The following RCBTB2 variants were observed in gnomAD, a reference collection of about 807,000 sequenced individuals.
RCBTB2 encodes RCC1 and BTB domain containing protein 2, also known as RCC1 and BTB domain-containing protein 2.
In RCBTB2, 55 loss-of-function variants were observed where a neutral mutation model predicts 65.4. The observed-to-expected ratio is 0.84, with a 90% CI of 0.68 to 1.05. The LOEUF is 1.05. Among genes scored for constraint, RCBTB2 ranks in the 50% least tolerant of loss-of-function variants. The pLI is 0.00. For missense variants in RCBTB2, 599 were observed against 680.1 expected (o/e 0.88, Z 1.33); for synonymous variants, 220 against 255.2 (o/e 0.86, Z 1.31).
chr13:48,533,408 C>A (rs1341674936), upstream of RCBTB2, among the ~76,000 whole-genome samples: 1 of 152,206 alleles, frequency 6.6e-6, no homozygotes, highest in Non-Finnish European at 1.5e-5. Context: ...TTTGTGGATA[C>A]CCGACCTAGA....
intron 6 of RCBTB2, among the ~76,000 whole-genome samples, chr13:48,514,000 G>A (rs1436102338): frequency 6.6e-6 from 1 of 152,146 alleles, no homozygotes; most frequent in Non-Finnish European, 1.5e-5. Context: ...TAATCAAAGA[G>A]AACAATTACA....
At chr13:48,528,034 T>A (rs1314567794) in intron 1 of RCBTB2, among the ~76,000 whole-genome samples, 9 of 152,236 alleles carry the variant, frequency 5.9e-5, no homozygotes, top group Admixed American at 5.9e-4. Flanking sequence ...AAAAATGAGT[T>A]AAGCTGATTA....
At chr13:48,509,995 T>C (rs9332004) in intron 10 of RCBTB2, among the ~76,000 whole-genome samples, 1,698 of 152,370 alleles carry the variant, frequency 0.011, 24 homozygotes, top group African/African-American at 0.039. Context: ...GGAAAGGCAG[T>C]GATCTGACCA....
chr13:48,492,651 T>C (rs1330456807), intron 14 of RCBTB2: 1 of 152,284 alleles, frequency 6.6e-6, no homozygotes, highest in East Asian at 1.9e-4. Context: ...GCCAGCAGCA[T>C]CTGGTGTGGT....
At position 48,523,519 on chromosome 13, in the gene RCBTB2, C is replaced by T. The variant is rs562848823; in HGVS notation, c.-119-1116G>A. On this transcript the variant is annotated intron_variant, in intron 2 of 14. Coordinates refer to ENST00000344532, the MANE Select transcript of RCBTB2 (RefSeq NM_001268.4). ...TATTCATACAAAGCATCCTTAGAAC[C>T]CAGCTTTTTGTATACTGGAACTGGC... is the stretch of plus-strand genomic sequence containing the variant. Among the ~76,000 whole-genome samples the T allele has an allele frequency of 1.1e-4, 16 of 152,270 alleles. No individual in the cohort carries two copies. The South Asian group carries it at 3.1e-3, about 30-fold the overall frequency.
chr13:48,490,287 T>A (rs755350514), intron 14 of RCBTB2, 36 bp from the exon 15 acceptor site: 7 of 1,572,474 alleles, frequency 4.5e-6, no homozygotes, highest in Non-Finnish European at 6.1e-6. Context: ...AATAAATTCA[T>A]ATTTACTAAT....
chr13:48,521,407 G>A (rs1475972102), intron 4 of RCBTB2, among the ~76,000 whole-genome samples: 4 of 152,194 alleles, frequency 2.6e-5, no homozygotes, highest in Admixed American at 2.0e-4. Flanking sequence ...ATCAATATGC[G>A]TGCAGGAAGA....
chr13:48,498,124 T>G (rs555463336), intron 13 of RCBTB2, among the ~76,000 whole-genome samples: 4 of 152,228 alleles, frequency 2.6e-5, no homozygotes, highest in Admixed American at 1.3e-4. Flanking sequence ...GTAACCTGGG[T>G]TGGGGGTGGA....
Position 48,502,893 on chromosome 13 carries a change from A to C in RCBTB2, c.948T>G (p.Cys316Trp). 1 of 1,612,888 alleles carries C rather than the reference A, an allele frequency of 6.2e-7. No individual in the cohort carries two copies. Among genetic ancestry groups the C allele is most frequent in the Non-Finnish European group, 8.5e-7 (1 of 1,179,128 alleles). Residue 316 changes from cysteine to tryptophan, a missense_variant, in exon 11 of 15, where the codon TGT (cysteine) becomes TGG (tryptophan). Transcript: ENST00000344532. ...EKDRIIEIAA[C>W]HSTHTSAAKT... ...TGGCCGCAGACGTGTGTGTGGAGTG[A>C]CAGGCTGCAATCTCGATAATCCTAA...
intron 1 of RCBTB2, among the ~76,000 whole-genome samples, chr13:48,526,033 T>G (rs1344430859): frequency 6.6e-6 from 1 of 152,188 alleles, no homozygotes; most frequent in Admixed American, 6.5e-5. Flanking sequence ...GCTACAGCTT[T>G]TCCATCTGAC....
At chr13:48,527,345 TATATATGATATATATTTATATATG>T (rs1566337160) in intron 1 of RCBTB2, among the ~76,000 whole-genome samples, 1 of 123,726 alleles carries the variant, frequency 8.1e-6, no homozygotes, top group African/African-American at 5.1e-5. Flanking sequence ...ATGATATATA[TATATATGATATATATTTATATATG>T]ATATATATAT....
At position 48,511,831 on chromosome 13, in the gene RCBTB2, T is replaced by G. The variant is rs73479239; in HGVS notation, c.722A>C (p.Asn241Thr). 8.7e-6 allele frequency: 14 copies of G among 1,614,094 alleles called. No homozygotes were observed. In the Admixed American group the frequency reaches 2.3e-4, roughly 27 times the overall value. Residue 241 changes from asparagine to threonine, a missense_variant, in exon 9 of 15, where the codon AAC (asparagine) becomes ACC (threonine). By Grantham distance (65) the Asn-to-Thr change is moderately conservative. Coordinates refer to ENST00000344532, the MANE Select transcript of RCBTB2 (RefSeq NM_001268.4). ...YNGNGQLGLG[N>T]SGNQPTPCRV... ...GCAAGGGGTTGGCTGGTTGCCACTG[T>G]TGCCGAGTCCAAGCTGCCCGTTTCC...
intron 14 of RCBTB2, 107 bp downstream of exon 14, chr13:48,496,084 T>C: frequency 3.7e-6 from 4 of 1,092,028 alleles, no homozygotes; most frequent in Non-Finnish European, 4.8e-6. Flanking sequence ...TTTTAAAAAA[T>C]ATTAAATATT....
intron 13 of RCBTB2, among the ~76,000 whole-genome samples, 173 bp from the exon 14 acceptor site, chr13:48,496,494 G>A (rs568458978): frequency 2.0e-5 from 3 of 152,026 alleles, no homozygotes; most frequent in Non-Finnish European, 4.4e-5. Context: ...CTCTACCCAG[G>A]ATGGCAGCCA....
intron 1 of RCBTB2, among the ~76,000 whole-genome samples, chr13:48,526,874 C>T (rs144402548): frequency 5.9e-5 from 9 of 152,124 alleles, no homozygotes; most frequent in African/African-American, 2.2e-4. Context: ...CAAGATCACA[C>T]CACTGCACTC....
chr13:48,511,490 G>A (rs976302614), intron 9 of RCBTB2, among the ~76,000 whole-genome samples: 1 of 152,136 alleles, frequency 6.6e-6, no homozygotes, highest in African/African-American at 2.4e-5. Flanking sequence ...AATTCCCTAG[G>A]AGTAGAACTA....
Position 48,499,712 on chromosome 13 carries a change from T to C in RCBTB2, c.1293A>G (p.Val431=), listed in dbSNP as rs368462354. ...CAGGATATGAAAATTCACTCATTTC[T>C]ACAATATCATCCTCGTTATCTTCCA... is the stretch of plus-strand genomic sequence containing the variant. The part of the protein sequence containing the change: ...SSLEDNEDDI[V]EMSEFSYPVY... The change falls in exon 13 of 15, where the codon GTA becomes GTG. Residue 431 remains valine, a synonymous_variant. Coordinates refer to ENST00000344532, the MANE Select transcript of RCBTB2 (RefSeq NM_001268.4). 3.7e-6 allele frequency: 6 copies of C among 1,614,106 alleles called. No individual in the cohort carries two copies. The Admixed American group carries it at 5.0e-5, about 13-fold the overall frequency.
intron 12 of RCBTB2, among the ~76,000 whole-genome samples, chr13:48,501,506 G>A (rs976960575): frequency 1.3e-5 from 2 of 152,138 alleles, no homozygotes; most frequent in African/African-American, 4.8e-5. Flanking sequence ...TGCTGCCAAG[G>A]TGACCACGCC....
At chr13:48,532,019 A>T (rs994848299) in intron 1 of RCBTB2, 2 of 152,214 alleles carry the variant, frequency 1.3e-5, no homozygotes. Flanking sequence ...ACTGTTTGTG[A>T]ACTCAACCAC....
Sources: gnomAD v4.1 joint callset for allele counts (sites outside exome capture counted in the v4.1 genomes callset) on GRCh38, gnomAD v4.1.1 for gene constraint, MANE v1.5 for transcripts, NCBI Gene and HGNC (gene_info 2026-07-23, HGNC 2026-07-21) for gene names.